SLC28A3: variants seen among roughly 807,000 people sequenced by gnomAD.
SLC28A3 encodes concentrative Na(+)-nucleoside cotransporter 3.
In SLC28A3, 68 loss-of-function variants were observed where a neutral mutation model predicts 84.2. The observed-to-expected ratio is 0.81, with a 90% CI of 0.66 to 0.99. The LOEUF (loss-of-function observed/expected upper bound fraction) is 0.99. Among genes scored for constraint, SLC28A3 ranks in the 50% least tolerant of loss-of-function variants. The probability of loss-of-function intolerance (pLI) is 0.00; values close to 1 mark genes in which losing one functional copy is unlikely to be tolerated. For missense variants in SLC28A3, 712 were observed against 841.5 expected, an observed-to-expected ratio of 0.85 and a Z score of 1.90; for synonymous variants, 267 against 303.6, an observed-to-expected ratio of 0.88 and a Z score of 1.25.
chr9:84,320,209 C>G (rs1826330192), intron 1 of SLC28A3, among the ~76,000 whole-genome samples: 1 of 146,018 alleles, frequency 6.8e-6, no homozygotes, highest in South Asian at 2.2e-4. Context: ...GCCACCACAC[C>G]CTGCTCATTT....
chr9:84,295,068 C>T (rs868393551), intron 8 of SLC28A3, among the ~76,000 whole-genome samples: 1 of 152,188 alleles, frequency 6.6e-6, no homozygotes, highest in African/African-American at 2.4e-5. Flanking sequence ...CATGTGAGTC[C>T]CCCTCAATAA....
intron 10 of SLC28A3, 149 bp downstream of exon 10, chr9:84,292,519 G>C: frequency 1.8e-6 from 1 of 548,426 alleles, no homozygotes; most frequent in Admixed American, 3.7e-5. Flanking sequence ...TCTCCCCCTG[G>C]AATCCGGACA....
chr9:84,361,156 C>T, the SLC28A3 span, among the ~76,000 whole-genome samples: 2 of 151,916 alleles, frequency 1.3e-5, no homozygotes, highest in Non-Finnish European at 2.9e-5. Flanking sequence ...CCATCCTGGC[C>T]AACATGGTGA....
Position 84,306,151 on chromosome 9 carries a change from C to G in SLC28A3, c.243-806G>C, listed in dbSNP as rs1188766864. On this transcript the variant is annotated intron_variant, in intron 3 of 17. Coordinates refer to ENST00000376238, the MANE Select transcript of SLC28A3 (RefSeq NM_001199633.2). ...GTGATGCCTCTTTCTTTGGAGGCCT[C>G]TCCTTCTCCCACTTGAGTCTGGGTG... Among the ~76,000 whole-genome samples the G allele has an allele frequency of 2.0e-5, 3 of 152,112 alleles. No individual in the cohort carries two copies. In the East Asian group the frequency reaches 5.8e-4, roughly 29 times the overall value.
chr9:84,350,076 T>G, the SLC28A3 span, among the ~76,000 whole-genome samples: 1 of 152,252 alleles, frequency 6.6e-6, no homozygotes, highest in African/African-American at 2.4e-5. Flanking sequence ...TGCTGAATAC[T>G]GTAGGCAATT....
At chr9:84,332,062 C>T (rs1396354354) in intron 1 of SLC28A3, among the ~76,000 whole-genome samples, 1 of 152,158 alleles carries the variant, frequency 6.6e-6, no homozygotes, top group Non-Finnish European at 1.5e-5. Context: ...AACTTGACTC[C>T]TACCTTACAC....
chr9:84,304,732 A>AG lies in SLC28A3; in HGVS notation c.334+521dup, dbSNP rs556674717. Among the ~76,000 whole-genome samples the AG allele has an allele frequency of 9.9e-5, 15 of 152,262 alleles. No individual in the cohort carries two copies. The East Asian group carries it at 2.9e-3, about 29-fold the overall frequency. ...AGGAGAGTAAGTGAGTCCAAAAATT[A>AG]GCTGCTGGGCCCGGCACAGTGGATC... is the stretch of plus-strand genomic sequence containing the variant. On this transcript the variant is annotated intron_variant, in intron 4 of 17. Transcript: ENST00000376238.
At position 84,278,088 on chromosome 9, in the gene SLC28A3, A is replaced by T. The variant is rs1345231347; in HGVS notation, c.*130T>A. 6 of 1,248,546 alleles carry T rather than the reference A, an allele frequency of 4.8e-6. No homozygotes were observed. Among genetic ancestry groups the T allele is most frequent in the Middle Eastern group, 2.0e-4 (1 of 5,004 alleles). The allele number at this position is 1,248,546 out of a possible 1,614,324, so 77.3% of individuals were successfully genotyped here. On this transcript the variant is annotated 3_prime_UTR_variant, in exon 18 of 18. Coordinates refer to ENST00000376238, the MANE Select transcript of SLC28A3 (RefSeq NM_001199633.2). ...TGAAGGTCCACTCTTGTTTTTCTTC[A>T]TTCCTTGCAATTAAAGCTGATTCCA...
chr9:84,302,189 A>G lies in SLC28A3; in HGVS notation c.524+11T>C. 6.2e-7 allele frequency: 1 copy of G among 1,612,028 alleles called. No individual in the cohort carries two copies. Among genetic ancestry groups the G allele is most frequent in the Non-Finnish European group, 8.5e-7 (1 of 1,178,910 alleles). On this transcript the variant is annotated intron_variant, in intron 5 of 17. Coordinates refer to ENST00000376238, the MANE Select transcript of SLC28A3 (RefSeq NM_001199633.2). ...TCTCTTAACTGAAATAAGAGAACCA[A>G]TTGCATTTACCACTTCAGCCAGAAC...
intron 8 of SLC28A3, among the ~76,000 whole-genome samples, 157 bp downstream of exon 8, chr9:84,297,064 C>T (rs997100900): frequency 6.6e-6 from 1 of 152,196 alleles, no homozygotes; most frequent in African/African-American, 2.4e-5. Context: ...CTTCAGATAA[C>T]ATTGTCAGTG....
the SLC28A3 span, among the ~76,000 whole-genome samples, chr9:84,352,048 T>C: frequency 6.6e-6 from 1 of 152,208 alleles, no homozygotes; most frequent in Non-Finnish European, 1.5e-5. Flanking sequence ...AAAGAGATGC[T>C]TTTTGAATTA....
chr9:84,304,576 G>A (rs11140505), intron 4 of SLC28A3, among the ~76,000 whole-genome samples: 3 of 152,150 alleles, frequency 2.0e-5, no homozygotes, highest in African/African-American at 4.8e-5. Flanking sequence ...TCAGGCAAGC[G>A]AGTGGGCTAG....
chr9:84,366,305 A>C, the SLC28A3 span, among the ~76,000 whole-genome samples: 1 of 152,024 alleles, frequency 6.6e-6, no homozygotes, highest in Non-Finnish European at 1.5e-5. Context: ...GTTATCTTGA[A>C]TCTCTTTTAG....
At chr9:84,340,811 T>G, upstream of SLC28A3, 37 of 523,138 alleles carry the variant, frequency 7.1e-5, no homozygotes, top group East Asian at 1.1e-4. Flanking sequence ...CTGGTTGGGG[T>G]GGGGCAGAGA....
chr9:84,356,783 A>T, the SLC28A3 span, among the ~76,000 whole-genome samples: 1 of 152,198 alleles, frequency 6.6e-6, no homozygotes, highest in East Asian at 1.9e-4. Context: ...GTGAGCTGAG[A>T]TCACGCCACT....
chr9:84,280,715 T>C (rs1045848255), intron 15 of SLC28A3, 86 bp downstream of exon 15: 1 of 1,358,506 alleles, frequency 7.4e-7, no homozygotes, highest in African/African-American at 1.4e-5. Context: ...CCTTTGTTTT[T>C]TCTGACATAA....
the SLC28A3 span, among the ~76,000 whole-genome samples, chr9:84,353,724 A>G: frequency 1.3e-5 from 2 of 152,212 alleles, no homozygotes; most frequent in African/African-American, 4.8e-5. Flanking sequence ...AACAAAAATT[A>G]TAAACAGAAA....
chr9:84,306,128 G>A (rs1261724004), intron 3 of SLC28A3, among the ~76,000 whole-genome samples: 1 of 152,104 alleles, frequency 6.6e-6, no homozygotes, highest in African/African-American at 2.4e-5. Context: ...GTTCCTGTGT[G>A]ATGCCTCTTT....
intron 1 of SLC28A3, among the ~76,000 whole-genome samples, chr9:84,317,755 G>A (rs1826223953): frequency 6.6e-6 from 1 of 152,148 alleles, no homozygotes; most frequent in Non-Finnish European, 1.5e-5. Context: ...ACAAAGTTGG[G>A]TGGCTCCATC....
Sources: allele counts gnomAD v4.1 joint callset (sites outside exome capture counted in the v4.1 genomes callset), GRCh38; gene constraint gnomAD v4.1.1; transcripts MANE v1.5; gene names NCBI Gene and HGNC (gene_info 2026-07-23, HGNC 2026-07-21).